Variants in UBXN8 observed in about 807,000 individuals in gnomAD.
UBXN8 encodes the protein UBX domain protein 8, also known as UBX domain-containing protein 8.
A neutral mutation model predicts 32.1 loss-of-function variants in UBXN8; 27 were observed. That is an observed-to-expected ratio of 0.84 (90% CI 0.62 to 1.16). The LOEUF (loss-of-function observed/expected upper bound fraction) is 1.16. Among genes scored for constraint, UBXN8 ranks in the 50% most tolerant of loss-of-function variants. The pLI, the probability that UBXN8 is intolerant of heterozygous loss-of-function variation, is 0.00. For synonymous variants in UBXN8, 109 were observed against 111.8 expected (o/e 0.98, Z 0.16); for missense variants, 306 against 311.4 (o/e 0.98, Z 0.13).
At chr8:30,729,416 T>A (rs890923391), upstream of UBXN8, among the ~76,000 whole-genome samples, 2 of 152,252 alleles carry the variant, frequency 1.3e-5, no homozygotes, top group Non-Finnish European at 2.9e-5. Flanking sequence ...ACGGCGTGCC[T>A]GTACTGGCAC....
chr8:30,759,429 A>T (rs1474670911), intron 5 of UBXN8, among the ~76,000 whole-genome samples: 1 of 149,690 alleles, frequency 6.7e-6, no homozygotes, highest in Admixed American at 6.7e-5. Flanking sequence ...GAGATGGGGT[A>T]TCACCATGTT....
At chr8:30,759,940 G>C (rs1396615742) in intron 5 of UBXN8, among the ~76,000 whole-genome samples, 2 of 150,118 alleles carry the variant, frequency 1.3e-5, no homozygotes, top group Non-Finnish European at 2.9e-5. Flanking sequence ...CTGGGCGACA[G>C]AGTGAGACTC....
In UBXN8 at chr8:30,766,498, A is replaced by G. The variant is rs1806012216; in HGVS notation, c.*104A>G. The G allele has an allele frequency of 5.7e-6, 7 of 1,229,144 alleles. No homozygotes were observed. The highest frequency in any genetic ancestry group is 7.6e-6 in the Non-Finnish European group (7 of 923,340). 76.1% of individuals were successfully genotyped at this position (1,229,144 alleles called of 1,614,324 possible). ...ATCACACTATACCTTGATTGAGCTC[A>G]TGGCAGTAAACTTTGAACATTGATA... On this transcript the variant is annotated 3_prime_UTR_variant, in exon 8 of 8. Coordinates refer to ENST00000265616, the MANE Select transcript of UBXN8 (RefSeq NM_005671.4).
Position 30,751,440 on chromosome 8 carries a change from C to G in UBXN8, c.133C>G (p.Leu45Val), listed in dbSNP as rs759026296. 21 of 1,605,610 alleles carry G rather than the reference C, an allele frequency of 1.3e-5. No individual in the cohort carries two copies. Among genetic ancestry groups the G allele is most frequent in the Admixed American group, 1.7e-5 (1 of 58,410 alleles). The stretch of plus-strand genomic sequence containing the variant: ...GCTTTGTGGCCGGATTTTGCTACTG[C>G]TTGCTCTTCTTACTTTAACTATTTC... ...LLLCGRILLLLALLTLTISVT... is the reference protein window; with the variant it reads ...LLLCGRILLLVALLTLTISVT... Residue 45 changes from leucine (L) to valine (V), a missense_variant, in exon 2 of 8, where the codon CTT becomes GTT. Coordinates refer to ENST00000265616, the MANE Select transcript of UBXN8 (RefSeq NM_005671.4).
At chr8:30,763,193 G>A (rs1805904022) in intron 6 of UBXN8, 80 bp from the exon 7 acceptor site, 1 of 1,386,978 alleles carries the variant, frequency 7.2e-7, no homozygotes, top group Non-Finnish European at 1.0e-6. Context: ...GTCCTTTTTA[G>A]CTGCTTAGCT....
At chr8:30,750,879 C>T (rs1586096827) in intron 1 of UBXN8, among the ~76,000 whole-genome samples, 2 of 152,080 alleles carry the variant, frequency 1.3e-5, no homozygotes, top group East Asian at 1.9e-4. Flanking sequence ...CTGTCTGTCC[C>T]GAACATCTAC....
At chr8:30,752,263 T>G (rs1359072751) in intron 2 of UBXN8, among the ~76,000 whole-genome samples, 1 of 152,184 alleles carries the variant, frequency 6.6e-6, no homozygotes, top group African/African-American at 2.4e-5. Context: ...CTTAGGCACC[T>G]TTGTCTTTTA....
chr8:30,737,930 C>T (rs544221578), intron 1 of UBXN8, among the ~76,000 whole-genome samples: 1 of 152,112 alleles, frequency 6.6e-6, no homozygotes, highest in Middle Eastern at 3.4e-3. Flanking sequence ...ATTTCATAAG[C>T]CTAAATGTAA....
intron 5 of UBXN8, among the ~76,000 whole-genome samples, chr8:30,758,885 GTTTTTTTTGTTTTTTTTTTTT>G (rs1805739007): frequency 1.0e-5 from 1 of 97,000 alleles, no homozygotes. Context: ...TTTTTTGTTT[GTTTTTTTTGTTTTTTTTTTTT>G]TTTTTGAGAC....
chr8:30,747,901 T>C lies in UBXN8; in HGVS notation c.89-3495T>C, dbSNP rs542572667. Among the ~76,000 whole-genome samples the C allele has an allele frequency of 1.3e-4, 15 of 113,822 alleles. 1 individual carries two copies. The highest frequency in any genetic ancestry group is 4.0e-3 in the Middle Eastern group (1 of 248). 74.7% of individuals were successfully genotyped at this position (113,822 alleles called of 152,430 possible). ...TTTTAATATATATTTTTTCTTTTTTTTTTTTTTTTTTTTTTTTGCTACCTT... is the reference window on the plus strand; with the variant it reads ...TTTTAATATATATTTTTTCTTTTTTCTTTTTTTTTTTTTTTTTGCTACCTT... On this transcript the variant is annotated intron_variant, in intron 1 of 7. Coordinates refer to ENST00000265616, the MANE Select transcript of UBXN8 (RefSeq NM_005671.4).
At chr8:30,752,981 C>A in intron 2 of UBXN8, 54 bp from the exon 3 acceptor site, 1 of 1,452,040 alleles carries the variant, frequency 6.9e-7, no homozygotes, top group Non-Finnish European at 9.1e-7. Context: ...ATTGGTTGTA[C>A]TTCAAATAAG....
At chr8:30,737,603 G>C (rs1340504102) in intron 1 of UBXN8, among the ~76,000 whole-genome samples, 1 of 152,156 alleles carries the variant, frequency 6.6e-6, no homozygotes, top group African/African-American at 2.4e-5. Context: ...TTGGTGCCTA[G>C]TCTGAGCCCA....
chr8:30,732,506 A>G (rs540617042), upstream of UBXN8: 328 of 340,340 alleles, frequency 9.6e-4, 1 homozygote, highest in South Asian at 0.012. Context: ...GGTTTTGCAG[A>G]CTGTGGATCC....
At chr8:30,750,510 C>A (rs374942868) in intron 1 of UBXN8, among the ~76,000 whole-genome samples, 3 of 151,316 alleles carry the variant, frequency 2.0e-5, no homozygotes, top group African/African-American at 7.3e-5. Context: ...CGGTGGCTCA[C>A]GCTTGTAATC....
At chr8:30,764,317 C>T (rs1249925085) in intron 7 of UBXN8, among the ~76,000 whole-genome samples, 1 of 152,168 alleles carries the variant, frequency 6.6e-6, no homozygotes, top group Non-Finnish European at 1.5e-5. Context: ...GGACCAGGCA[C>T]ACACCACCGT....
intron 7 of UBXN8, 51 bp downstream of exon 7, chr8:30,763,398 T>A: frequency 6.5e-7 from 1 of 1,544,634 alleles, no homozygotes; most frequent in Non-Finnish European, 9.0e-7. Flanking sequence ...AATATGGCAG[T>A]AGTTTATTCA....
In UBXN8 at chr8:30,766,296, A is replaced by C. The variant is rs1239435142; in HGVS notation, c.715A>C (p.Arg239=). 2 of 1,613,800 alleles carry C rather than the reference A, an allele frequency of 1.2e-6. No individual in the cohort carries two copies. The highest frequency in any genetic ancestry group is 2.7e-5 in the African/African-American group (2 of 74,916). The change falls in exon 8 of 8, where the codon AGA becomes CGA. Residue 239 remains arginine (R), a synonymous_variant. Coordinates refer to ENST00000265616, the MANE Select transcript of UBXN8 (RefSeq NM_005671.4). The part of the protein sequence containing the change: ...SLYSLSTSFP[R]RPLAVEGGQS... ...ATACAGCCTTTCTACTTCCTTTCCC[A>C]GACGGCCTCTGGCAGTGGAGGGAGG...
chr8:30,734,852 C>G (rs1481238814), intron 1 of UBXN8, among the ~76,000 whole-genome samples: 1 of 151,960 alleles, frequency 6.6e-6, no homozygotes, highest in Non-Finnish European at 1.5e-5. Context: ...GCTGAGGTAG[C>G]AGATCACTTG....
chr8:30,730,671 C>T (rs199693420), upstream of UBXN8, among the ~76,000 whole-genome samples: 2 of 152,194 alleles, frequency 1.3e-5, no homozygotes, highest in East Asian at 3.8e-4. Flanking sequence ...TTAATAAGTT[C>T]TCTGAGGTCA....
Sources: gnomAD v4.1 joint callset for allele counts (sites outside exome capture counted in the v4.1 genomes callset) on GRCh38, gnomAD v4.1.1 for gene constraint, MANE v1.5 for transcripts, NCBI Gene and HGNC (gene_info 2026-07-23, HGNC 2026-07-21) for gene names.